The following R3HDM1 variants were observed in gnomAD, a reference collection of about 807,000 sequenced individuals.
R3HDM1 encodes the protein R3H domain containing 1.
Under a neutral mutation model 141.1 loss-of-function variants are expected in R3HDM1, and 46 were observed. The ratio of observed to expected loss-of-function variants is 0.33; its 90% CI spans 0.26 to 0.42. The LOEUF is 0.42. Ranked by LOEUF, R3HDM1 falls within the 10% of genes least tolerant of loss-of-function variation. R3HDM1 has a pLI of 1.00. For missense variants in R3HDM1, 1,184 were observed against 1,368.3 expected, an observed-to-expected ratio of 0.87 and a Z score of 2.12; for synonymous variants, 435 against 472.9, an observed-to-expected ratio of 0.92 and a Z score of 1.04.
At chr2:135,544,732 G>A (rs1266675938) in intron 1 of R3HDM1, among the ~76,000 whole-genome samples, 3 of 152,220 alleles carry the variant, frequency 2.0e-5, no homozygotes, top group East Asian at 1.9e-4. Context: ...AGGCTGAGGC[G>A]GGCAGAATAC....
chr2:135,633,154 T>C (rs934242840), intron 9 of R3HDM1, among the ~76,000 whole-genome samples: 1 of 152,204 alleles, frequency 6.6e-6, no homozygotes, highest in East Asian at 1.9e-4. Flanking sequence ...TGAGTCTGAT[T>C]TAGTTTTCAT....
intron 1 of R3HDM1, among the ~76,000 whole-genome samples, chr2:135,569,718 C>CTTTTTTTTTT (rs139858819): frequency 7.7e-6 from 1 of 129,346 alleles, no homozygotes; most frequent in African/African-American, 3.9e-5. Context: ...ATAGTAAGCT[C>CTTTTTTTTTT]TTTTTTTTTT....
chr2:135,650,435 T>C (rs903247237), intron 17 of R3HDM1: 4 of 983,302 alleles, frequency 4.1e-6, no homozygotes, highest in African/African-American at 3.5e-5. Context: ...AGAGGACTTC[T>C]AAGTATATTT....
chr2:135,709,000 A>C (rs1030013407), intron 21 of R3HDM1, among the ~76,000 whole-genome samples: 2 of 151,628 alleles, frequency 1.3e-5, no homozygotes, highest in Admixed American at 6.6e-5. Context: ...AAAATACAGC[A>C]GTAACTTAAT....
intron 3 of R3HDM1, among the ~76,000 whole-genome samples, chr2:135,611,211 C>G (rs2060514785): frequency 6.6e-6 from 1 of 151,664 alleles, no homozygotes; most frequent in Admixed American, 6.6e-5. Flanking sequence ...TGCTTGAGTC[C>G]AGGAGTGTGA....
At chr2:135,661,666 T>C (rs1345366477) in intron 19 of R3HDM1, among the ~76,000 whole-genome samples, 1 of 152,180 alleles carries the variant, frequency 6.6e-6, no homozygotes, top group East Asian at 1.9e-4. Context: ...TTACTGCCAT[T>C]GAGATTGAAA....
intron 5 of R3HDM1, among the ~76,000 whole-genome samples, chr2:135,619,007 C>T (rs1026020965): frequency 8.7e-5 from 12 of 138,534 alleles, no homozygotes; most frequent in Non-Finnish European, 1.8e-4. Context: ...GTGACAAGAG[C>T]GAAACTCTTA....
chr2:135,600,926 T>C (rs2059574852), intron 1 of R3HDM1, among the ~76,000 whole-genome samples: 1 of 152,224 alleles, frequency 6.6e-6, no homozygotes, highest in African/African-American at 2.4e-5. Context: ...TGTTCACCTC[T>C]TCGGTTTTGC....
chr2:135,723,183 G>A (rs1336701926), intron 26 of R3HDM1, among the ~76,000 whole-genome samples: 1 of 151,876 alleles, frequency 6.6e-6, no homozygotes, highest in Non-Finnish European at 1.5e-5. Flanking sequence ...GTGCAGTGGT[G>A]TAGTCTCAGC....
At chr2:135,621,794 G>A (rs1279657277) in intron 6 of R3HDM1, 186 bp downstream of exon 6, 37 of 962,610 alleles carry the variant, frequency 3.8e-5, no homozygotes, top group Admixed American at 6.7e-5. Context: ...TCAGTAAGAC[G>A]TTTCAGCCAA....
At position 135,715,535 on chromosome 2, in the gene R3HDM1, G is replaced by A. The variant is rs774363480; in HGVS notation, c.2737-15G>A. On this transcript the variant is annotated splice_polypyrimidine_tract_variant and intron_variant, in intron 23 of 26. Coordinates refer to ENST00000683871, the MANE Select transcript of R3HDM1 (RefSeq NM_001378107.1). ...CAAAATGCTGACCCATTTTCTTGAC[G>A]TATTGTAATTGCAGCACAGCCCTCA... 8.1e-6 allele frequency: 13 copies of A among 1,605,998 alleles called. No individual in the cohort carries two copies. Among genetic ancestry groups the A allele is most frequent in the South Asian group, 1.1e-5 (1 of 89,626 alleles).
chr2:135,688,201 C>T (rs1438713604), intron 21 of R3HDM1, among the ~76,000 whole-genome samples: 1 of 152,146 alleles, frequency 6.6e-6, no homozygotes, highest in African/African-American at 2.4e-5. Flanking sequence ...AAATGGCTCC[C>T]AAACAATGCT....
intron 11 of R3HDM1, among the ~76,000 whole-genome samples, chr2:135,638,334 A>G (rs2063464702): frequency 6.6e-6 from 1 of 152,226 alleles, no homozygotes; most frequent in Non-Finnish European, 1.5e-5. Context: ...CCTTGAATAT[A>G]TAATGAAAAT....
chr2:135,653,240 C>G lies in R3HDM1; in HGVS notation c.2028+1208C>G, dbSNP rs1292747892. On this transcript the variant is annotated intron_variant, in intron 18 of 26. Transcript: ENST00000683871. ...GCGTGGTGGTGCACGCCTGTAATCC[C>G]AACTACTGGAGAGGCTGAGGCAGGA... Among the ~76,000 whole-genome samples, 3 of 151,842 alleles carry G rather than the reference C, an allele frequency of 2.0e-5. No individual in the cohort carries two copies. The East Asian group carries it at 5.8e-4, about 29-fold the overall frequency.
rs550919262 is a variant in R3HDM1, at chr2:135,533,321, C to T, written c.-250+1688C>T. Among the ~76,000 whole-genome samples the T allele has an allele frequency of 1.1e-4, 16 of 152,274 alleles. No individual in the cohort carries two copies. In the South Asian group the frequency reaches 2.9e-3, roughly 28 times the overall value. On this transcript the variant is annotated intron_variant, in intron 1 of 26. Transcript: ENST00000683871. The stretch of plus-strand genomic sequence containing the variant: ...TACACAGCCTTGGAAGGCAAGTCCC[C>T]TGAGATCCCCACAGAGTTCCTGTAA...
chr2:135,554,052 T>G (rs1039543296), intron 1 of R3HDM1, among the ~76,000 whole-genome samples: 6 of 152,212 alleles, frequency 3.9e-5, no homozygotes, highest in Non-Finnish European at 8.8e-5. Context: ...TTAACCCTAT[T>G]AAAGTGTACA....
rs539949786 is a variant in R3HDM1 at position 135,604,759 on chromosome 2, A to G, written c.-40-47A>G. On this transcript the variant is annotated intron_variant, in intron 2 of 26. Transcript: ENST00000683871. ...GACAGTAGGTCAGTATCATGCAGTA[A>G]CTGAATGTAAAAAAGTTTCAAACTG... 415 of 1,408,494 alleles carry G rather than the reference A, an allele frequency of 2.9e-4. 6 individuals carry two copies. The South Asian group carries it at 4.3e-3, about 15-fold the overall frequency. 87.2% of individuals were successfully genotyped at this position (1,408,494 alleles called of 1,614,324 possible).
intron 7 of R3HDM1, among the ~76,000 whole-genome samples, chr2:135,624,078 G>A (rs1439396692): frequency 6.6e-6 from 1 of 152,150 alleles, no homozygotes; most frequent in East Asian, 1.9e-4. Flanking sequence ...AGGAAAGATA[G>A]GCATGTGGCA....
chr2:135,679,296 G>T (rs1383775976), intron 20 of R3HDM1, among the ~76,000 whole-genome samples: 4 of 152,014 alleles, frequency 2.6e-5, no homozygotes, highest in African/African-American at 9.7e-5. Flanking sequence ...AGAACTGAAA[G>T]ATACACTGTT....
Sources: allele counts gnomAD v4.1 joint callset (sites outside exome capture counted in the v4.1 genomes callset), GRCh38; gene constraint gnomAD v4.1.1; transcripts MANE v1.5; gene names NCBI Gene and HGNC (gene_info 2026-07-23, HGNC 2026-07-21).